CIITA: variants seen among roughly 807,000 people sequenced by gnomAD.
The protein encoded by CIITA is MHC class II transactivator.
In CIITA, 72 loss-of-function variants were observed where a neutral mutation model predicts 115.1. That is an observed-to-expected ratio of 0.63 (90% confidence interval 0.52 to 0.76). CIITA has a LOEUF of 0.76. CIITA is among the 30% of genes least tolerant of loss of function. The pLI, the probability that CIITA is intolerant of heterozygous loss-of-function variation, is 0.00. For missense variants in CIITA, 1,617 were observed against 1,463.8 expected, an observed-to-expected ratio of 1.10 and a Z score of -1.71; for synonymous variants, 763 against 635.6, an observed-to-expected ratio of 1.20 and a Z score of -3.02.
At position 10,934,173 on chromosome 16, in the gene CIITA, C is replaced by G. The variant is rs1473211480; in HGVS notation, c.*10318C>G. ...AGACTCCCTGAGCCCTCTGGAAGGG[C>G]AGCACTTGCCCAGTGCCTCCCTCCA... On this transcript the variant is annotated 3_prime_UTR_variant, in exon 20 of 20. Transcript: ENST00000324288. This position sits in a 1 kb window ranked among gnomAD's most constrained non-coding sequence, Gnocchi z 4.2. 6.6e-6 allele frequency: 1 copy of G among 152,268 alleles called. No homozygotes were observed. The highest frequency in any genetic ancestry group is 1.5e-5 in the Non-Finnish European group (1 of 68,058). The allele number at this position is 152,268 out of a possible 1,614,324, so 9.4% of individuals were successfully genotyped here. A position where few individuals can be genotyped will look rare whatever the true frequency, so the allele number is the denominator to read the frequency against.
chr16:10,891,420 C>A (rs555446176), intron 1 of CIITA, among the ~76,000 whole-genome samples: 2 of 152,214 alleles, frequency 1.3e-5, no homozygotes, highest in Non-Finnish European at 2.9e-5. Flanking sequence ...ACCCAATGCC[C>A]TGTGAGAAAA....
intron 1 of CIITA, among the ~76,000 whole-genome samples, chr16:10,883,059 A>C (rs937773735): frequency 1.3e-5 from 2 of 152,084 alleles, no homozygotes; most frequent in Non-Finnish European, 2.9e-5. Context: ...GTCAGATCTC[A>C]GCAAGCAGGA....
chr16:10,909,116 C>T lies in CIITA; in HGVS notation c.2745C>T (p.Phe915=). 1 of 1,614,212 alleles carries T rather than the reference C, an allele frequency of 6.2e-7. No individual in the cohort carries two copies. The highest frequency in any genetic ancestry group is 8.5e-7 in the Non-Finnish European group (1 of 1,180,052). ...TACTTCAGGCAGCAGAGGAGAAGTT[C>T]ACCATCGAGCCTTTCAAAGCCAAGT... is the stretch of plus-strand genomic sequence containing the variant. ...TKLLQAAEEK[F]TIEPFKAKSL... The change falls in exon 12 of 20, where the codon TTC becomes TTT. Residue 915 remains phenylalanine, a synonymous_variant. Transcript: ENST00000324288.
intron 1 of CIITA, among the ~76,000 whole-genome samples, chr16:10,894,548 A>G (rs553192475): frequency 2.0e-4 from 30 of 152,378 alleles, no homozygotes; most frequent in Middle Eastern, 3.4e-3. Context: ...AGGTATAATG[A>G]TCATGTCAGG....
At chr16:10,908,706 A>G in intron 11 of CIITA, 1 of 553,920 alleles carries the variant, frequency 1.8e-6, no homozygotes, top group South Asian at 2.1e-5. Flanking sequence ...TGAGCATTTC[A>G]GCTTAATCGC....
chr16:10,885,138 C>A (rs980176765), intron 1 of CIITA, among the ~76,000 whole-genome samples: 19 of 152,202 alleles, frequency 1.2e-4, no homozygotes, highest in African/African-American at 4.3e-4. Context: ...TTTAGACACA[C>A]ACACACTTAT....
chr16:10,903,671 A>T, intron 8 of CIITA, 60 bp from the exon 9 acceptor site: 1 of 1,590,844 alleles, frequency 6.3e-7, no homozygotes, highest in Admixed American at 1.7e-5. Context: ...GGGGTGACCC[A>T]AGTGCATTTC....
intron 1 of CIITA, among the ~76,000 whole-genome samples, chr16:10,877,731 C>G (rs542645232): frequency 6.6e-6 from 1 of 152,302 alleles, no homozygotes; most frequent in East Asian, 1.9e-4. Context: ...TGAGGGGTGC[C>G]TCTGCAGGAC....
Position 10,929,394 on chromosome 16 carries a change from G to T in CIITA, c.*5539G>T. The T allele has an allele frequency of 1.0e-6, 1 of 985,892 alleles. No individual in the cohort carries two copies. Among genetic ancestry groups the T allele is most frequent in the Non-Finnish European group, 1.2e-6 (1 of 829,956 alleles). 61.1% of individuals were successfully genotyped at this position (985,892 alleles called of 1,614,324 possible). ...AATCAGAAGCCAAGGCCAGGCCATC[G>T]ATTTGACACTGCAGGCAGATGAGGT... On this transcript the variant is annotated 3_prime_UTR_variant, in exon 20 of 20. Coordinates refer to ENST00000324288, the MANE Select transcript of CIITA (RefSeq NM_000246.4). This position sits in a 1 kb window ranked among gnomAD's most constrained non-coding sequence, Gnocchi z 4.3.
upstream of CIITA, among the ~76,000 whole-genome samples, chr16:10,875,103 A>G (rs2035742840): frequency 6.6e-6 from 1 of 151,882 alleles, no homozygotes. Context: ...CGAGTAGCAC[A>G]CGCACCATCA....
intron 1 of CIITA, among the ~76,000 whole-genome samples, chr16:10,889,558 C>T (rs550295832): frequency 7.3e-4 from 110 of 151,170 alleles, no homozygotes; most frequent in Middle Eastern, 3.4e-3. Context: ...CTCACTTTGT[C>T]GCCCAGGCTG....
chr16:10,914,179 A>G (rs1483252518), intron 13 of CIITA, among the ~76,000 whole-genome samples: 2 of 152,186 alleles, frequency 1.3e-5, no homozygotes, highest in African/African-American at 4.8e-5. Context: ...ATAGTAGGCA[A>G]GCGGTCAATA....
intron 8 of CIITA, among the ~76,000 whole-genome samples, chr16:10,903,026 T>C (rs974531778): frequency 2.0e-5 from 3 of 152,230 alleles, no homozygotes; most frequent in Non-Finnish European, 2.9e-5. Context: ...TTGTGTGGCC[T>C]TCCATATGTT....
intron 13 of CIITA, 144 bp from the exon 14 acceptor site, chr16:10,915,426 G>A (rs1187698073): frequency 4.2e-6 from 3 of 713,212 alleles, no homozygotes; most frequent in South Asian, 3.0e-5. Flanking sequence ...AAGGGTTGCA[G>A]GGACCTAAGA....
rs2040936578 is a variant in CIITA at position 10,934,423 on chromosome 16, T to C, written c.*10568T>C. 1.3e-5 allele frequency: 2 copies of C among 152,112 alleles called. No individual in the cohort carries two copies. The highest frequency in any genetic ancestry group is 6.6e-5 in the Admixed American group (1 of 15,264). 9.4% of individuals were successfully genotyped at this position (152,112 alleles called of 1,614,324 possible). ...CCTGTATAACTGAGCCTTGTGCCAG[T>C]TAAAAGGGCAAAGCAGTAGGTGCTC... On this transcript the variant is annotated 3_prime_UTR_variant, in exon 20 of 20. Coordinates refer to ENST00000324288, the MANE Select transcript of CIITA (RefSeq NM_000246.4). This position sits in a 1 kb window ranked among gnomAD's most constrained non-coding sequence, Gnocchi z 4.2.
rs182369772 is a variant in CIITA, at chr16:10,906,660, C to A, written c.1168C>A (p.Arg390=). 6.8e-6 allele frequency: 11 copies of A among 1,613,410 alleles called. No homozygotes were observed. The highest frequency in any genetic ancestry group is 1.3e-5 in the African/African-American group (1 of 74,926). The change falls in exon 11 of 20, where the codon CGG becomes AGG. Residue 390 remains arginine (R), a synonymous_variant. Coordinates refer to ENST00000324288, the MANE Select transcript of CIITA (RefSeq NM_000246.4). ...ACTGGCCACCCCGGACTGGGCAGAA[C>A]GGCAGCTGGCCCAAGGAGGCCTGGC... ...RELATPDWAE[R]QLAQGGLAEV... is the part of the protein sequence containing the mutation.
chr16:10,907,057 C>T lies in CIITA; in HGVS notation c.1565C>T (p.Pro522Leu). 6.2e-7 allele frequency: 1 copy of T among 1,607,410 alleles called. No homozygotes were observed. Among genetic ancestry groups the T allele is most frequent in the Non-Finnish European group, 8.5e-7 (1 of 1,179,954 alleles). Reference protein sequence around the residue: ...HSTCGPAPAEPCSLRGLLAGL... With the variant: ...HSTCGPAPAELCSLRGLLAGL... Reference sequence around the variant, plus strand: ...ACGTGCGGACCGGCACCGGCGGAGCCCTGCTCCCTCCGGGGGCTGCTGGCC... The same window carrying T: ...ACGTGCGGACCGGCACCGGCGGAGCTCTGCTCCCTCCGGGGGCTGCTGGCC... The change falls in exon 11 of 20, where the codon CCC becomes CTC. Residue 522 changes from proline to leucine, a missense_variant. Coordinates refer to ENST00000324288, the MANE Select transcript of CIITA (RefSeq NM_000246.4). This position sits in a 1 kb window ranked among gnomAD's most constrained non-coding sequence, Gnocchi z 5.0.
downstream of CIITA, chr16:10,940,587 C>A (rs1207161730): frequency 1.3e-5 from 2 of 152,466 alleles, no homozygotes; most frequent in African/African-American, 4.8e-5. The surrounding 1 kb of genome is among the most constrained non-coding windows in gnomAD (Gnocchi z 4.2). Flanking sequence ...GGCGTTCCTG[C>A]CTGCCCTGTG....
chr16:10,914,074 G>C (rs2039781630), intron 13 of CIITA, among the ~76,000 whole-genome samples: 1 of 151,884 alleles, frequency 6.6e-6, no homozygotes, highest in Admixed American at 6.6e-5. Context: ...CGATTTCTTT[G>C]ATTATCTGTC....
Sources: allele counts gnomAD v4.1 joint callset (sites outside exome capture counted in the v4.1 genomes callset), GRCh38; gene constraint gnomAD v4.1.1; non-coding constraint Gnocchi (gnomAD v3.1); transcripts MANE v1.5; gene names NCBI Gene and HGNC (gene_info 2026-07-23, HGNC 2026-07-21).